Variants in KCNMB2 observed in about 807,000 individuals in gnomAD.
KCNMB2 encodes the protein calcium-activated potassium channel subunit beta-2.
A neutral mutation model predicts 24.5 loss-of-function variants in KCNMB2; 9 were observed. That is an observed-to-expected ratio of 0.37 (90% CI 0.22 to 0.64). The LOEUF (loss-of-function observed/expected upper bound fraction) is 0.64. Among genes scored for constraint, KCNMB2 ranks in the 30% least tolerant of loss-of-function variants. The pLI, the probability that KCNMB2 is intolerant of heterozygous loss-of-function variation, is 0.63. For missense variants in KCNMB2, 226 were observed against 284.3 expected (o/e 0.79, Z 1.47); for synonymous variants, 109 against 104.4 (o/e 1.04, Z -0.27).
rs545112426 is a variant in KCNMB2 at position 178,838,514 on chromosome 3, TA to T, written c.424-4137del. ...AGCATGCTCATCCTCCATTCTTAAC[TA>T]ATCAAAGAAACTTCCTGCTGTTTAT... is the stretch of plus-strand genomic sequence containing the variant. On this transcript the variant is annotated intron_variant, in intron 4 of 4. Coordinates refer to ENST00000452583, the MANE Select transcript of KCNMB2 (RefSeq NM_181361.3). Among the ~76,000 whole-genome samples, 505 of 150,066 alleles carry T rather than the reference TA, an allele frequency of 3.4e-3. 4 individuals carry two copies. The highest frequency in any genetic ancestry group is 3.5e-3 in the Non-Finnish European group (240 of 67,686).
chr3:178,738,138 CCTT>C (rs1723377014), intron 1 of KCNMB2, among the ~76,000 whole-genome samples: 1 of 152,136 alleles, frequency 6.6e-6, no homozygotes, highest in African/African-American at 2.4e-5. Context: ...CTCCACTACT[CCTT>C]ATCTCAATGA....
intron 1 of KCNMB2, among the ~76,000 whole-genome samples, chr3:178,700,932 T>C (rs1023195164): frequency 1.3e-5 from 2 of 152,250 alleles, no homozygotes; most frequent in African/African-American, 4.8e-5. Flanking sequence ...TGGTGGTTTC[T>C]TTTGCTGTGC....
At chr3:178,614,247 T>TTATATATATATATA (rs776751246) in intron 1 of KCNMB2, among the ~76,000 whole-genome samples, 49 of 53,448 alleles carry the variant, frequency 9.2e-4, no homozygotes, top group South Asian at 1.4e-3. Context: ...TGGGCTAATT[T>TTATATATATATATA]TATATATATA....
chr3:178,671,302 A>G (rs1391304225), intron 1 of KCNMB2, among the ~76,000 whole-genome samples: 1 of 152,116 alleles, frequency 6.6e-6, no homozygotes, highest in Non-Finnish European at 1.5e-5. Context: ...ACTAAACTAC[A>G]AGAAAAACCA....
chr3:178,701,760 A>T (rs1367723207), intron 1 of KCNMB2, among the ~76,000 whole-genome samples: 1 of 152,228 alleles, frequency 6.6e-6, no homozygotes, highest in Non-Finnish European at 1.5e-5. Context: ...TCAAAAAGTC[A>T]GGAAACAACA....
intron 1 of KCNMB2, among the ~76,000 whole-genome samples, chr3:178,772,970 A>G (rs1712435462): frequency 6.6e-6 from 1 of 152,160 alleles, no homozygotes; most frequent in Non-Finnish European, 1.5e-5. Flanking sequence ...CTGTCTCTTC[A>G]AAGACTTCAA....
intron 4 of KCNMB2, among the ~76,000 whole-genome samples, chr3:178,834,680 C>T (rs1173573086): frequency 1.3e-5 from 2 of 151,954 alleles, no homozygotes; most frequent in African/African-American, 4.8e-5. Flanking sequence ...GGGGAATATG[C>T]CCTGAAATTT....
At chr3:178,644,703 G>A (rs112859569) in intron 1 of KCNMB2, among the ~76,000 whole-genome samples, 16 of 152,064 alleles carry the variant, frequency 1.1e-4, no homozygotes, top group African/African-American at 2.2e-4. Context: ...TTTTATTTTC[G>A]CACTACCCAA....
intron 1 of KCNMB2, among the ~76,000 whole-genome samples, chr3:178,776,739 G>A (rs1185527492): frequency 6.6e-6 from 1 of 152,080 alleles, no homozygotes; most frequent in East Asian, 1.9e-4. Flanking sequence ...ATAAAAGGAG[G>A]TGATAGTTTT....
At chr3:178,685,060 G>T (rs563727589) in intron 1 of KCNMB2, among the ~76,000 whole-genome samples, 10 of 152,112 alleles carry the variant, frequency 6.6e-5, no homozygotes, top group African/African-American at 2.4e-4. Context: ...TCAGAACCTT[G>T]AGTGTTGGAC....
intron 1 of KCNMB2, among the ~76,000 whole-genome samples, chr3:178,544,477 A>G (rs1480019481): frequency 6.6e-6 from 1 of 152,186 alleles, no homozygotes; most frequent in African/African-American, 2.4e-5. Flanking sequence ...AGCCCGGGTG[A>G]CAGATGATCC....
At chr3:178,792,468 C>T (rs143459761) in intron 1 of KCNMB2, among the ~76,000 whole-genome samples, 37 of 152,068 alleles carry the variant, frequency 2.4e-4, no homozygotes, top group African/African-American at 8.7e-4. Flanking sequence ...AAAAAAATTA[C>T]CTTCACAAAA....
At chr3:178,759,812 CTATA>C (rs753256839) in intron 1 of KCNMB2, among the ~76,000 whole-genome samples, 390 of 5,406 alleles carry the variant, frequency 0.072, 14 homozygotes, top group Non-Finnish European at 0.09. Context: ...GAGGATATAT[CTATA>C]TATATATATA....
At chr3:178,750,386 A>AACAAAC (rs1413037683) in intron 1 of KCNMB2, among the ~76,000 whole-genome samples, 21 of 152,204 alleles carry the variant, frequency 1.4e-4, no homozygotes, top group Non-Finnish European at 8.8e-5. Context: ...CTTCTACAAA[A>AACAAAC]AAAAACAAAA....
intron 1 of KCNMB2, among the ~76,000 whole-genome samples, chr3:178,593,819 A>C (rs1423586169): frequency 2.0e-5 from 3 of 150,214 alleles, no homozygotes; most frequent in Non-Finnish European, 4.4e-5. Flanking sequence ...AAGTCTGATT[A>C]TGTCAGCCTT....
At chr3:178,708,510 G>A (rs560197620) in intron 1 of KCNMB2, among the ~76,000 whole-genome samples, 3 of 152,218 alleles carry the variant, frequency 2.0e-5, no homozygotes, top group African/African-American at 4.8e-5. Context: ...AAGCTATACA[G>A]GTAGTCTGAT....
chr3:178,555,448 C>T (rs1459487265), intron 1 of KCNMB2, among the ~76,000 whole-genome samples: 5 of 152,182 alleles, frequency 3.3e-5, no homozygotes, highest in African/African-American at 1.2e-4. Context: ...GTTTCTACAT[C>T]TATAAAATGG....
At chr3:178,697,034 A>G (rs1384260464) in intron 1 of KCNMB2, among the ~76,000 whole-genome samples, 2 of 152,116 alleles carry the variant, frequency 1.3e-5, no homozygotes, top group Non-Finnish European at 2.9e-5. Context: ...AATGTGACCA[A>G]TTTTAGAGTA....
At chr3:178,576,564 A>G (rs768338038) in intron 1 of KCNMB2, among the ~76,000 whole-genome samples, 2 of 152,158 alleles carry the variant, frequency 1.3e-5, no homozygotes, top group Non-Finnish European at 2.9e-5. Flanking sequence ...TCCCACCCCC[A>G]TGGAGCCCAG....
Sources: allele counts gnomAD v4.1 joint callset (sites outside exome capture counted in the v4.1 genomes callset), GRCh38; gene constraint gnomAD v4.1.1; transcripts MANE v1.5; gene names NCBI Gene and HGNC (gene_info 2026-07-23, HGNC 2026-07-21).